The following KLF13 variants were observed in gnomAD, a reference collection of about 807,000 sequenced individuals.
KLF13 encodes KLF transcription factor 13.
A neutral mutation model predicts 16.7 loss-of-function variants in KLF13; 8 were observed. The ratio of observed to expected loss-of-function variants is 0.48; its 90% CI spans 0.28 to 0.87. The LOEUF (loss-of-function observed/expected upper bound fraction) is 0.87. Ranked by LOEUF, KLF13 falls within the 40% of genes least tolerant of loss-of-function variation. KLF13 has a pLI of 0.10. For synonymous variants in KLF13, 245 were observed against 208.4 expected, an observed-to-expected ratio of 1.18 and a Z score of -1.51; for missense variants, 447 against 452.2, an observed-to-expected ratio of 0.99 and a Z score of 0.10.
intron 2 of KLF13, chr15:31,403,400 C>T (rs557216254): frequency 3.3e-5 from 5 of 152,208 alleles, no homozygotes; most frequent in Non-Finnish European, 5.9e-5. Context: ...ATGTTCCCAT[C>T]TTTAATAATG....
Position 31,327,016 on chromosome 15 carries a change from CGGCCG to C in KLF13, c.-190_-186del. The C allele has an allele frequency of 3.6e-6, 1 of 274,500 alleles. No individual in the cohort carries two copies. Among genetic ancestry groups the C allele is most frequent in the Non-Finnish European group, 5.8e-6 (1 of 173,660 alleles). The allele number at this position is 274,500 out of a possible 1,614,324, so 17.0% of individuals were successfully genotyped here. Reference sequence around the variant, plus strand: ...CCCCATGCGCTCACTCTTCGGTGCCCGGCCGGGCCGGCGCCTCGCAGACGCGGAGC... The same window carrying C: ...CCCCATGCGCTCACTCTTCGGTGCCCGGCCGGCGCCTCGCAGACGCGGAGC... On this transcript the variant is annotated 5_prime_UTR_variant, in exon 1 of 2. An upstream open reading frame in the 5' UTR loses its in-frame stop. Transcript: ENST00000307145.
intron 1 of KLF13, among the ~76,000 whole-genome samples, chr15:31,424,441 C>T (rs1401195911): frequency 6.6e-6 from 1 of 151,868 alleles, no homozygotes; most frequent in Admixed American, 6.6e-5. Flanking sequence ...TGTAATATCA[C>T]ATTAAAAGAA....
chr15:31,375,787 G>A lies in KLF13; in HGVS notation c.*3488G>A, dbSNP rs1017711124. The stretch of plus-strand genomic sequence containing the variant: ...GTCCTGTCCTGCAGGATGCTGCATA[G>A]GAATGGGCAGAGATGTCCTGGATGG... On this transcript the variant is annotated 3_prime_UTR_variant, in exon 2 of 2. Transcript: ENST00000307145. 6.6e-6 allele frequency: 1 copy of A among 152,198 alleles called. No homozygotes were observed. Among genetic ancestry groups the A allele is most frequent in the Non-Finnish European group, 1.5e-5 (1 of 68,054 alleles). 9.4% of individuals were successfully genotyped at this position (152,198 alleles called of 1,614,324 possible).
intron 1 of KLF13, among the ~76,000 whole-genome samples, chr15:31,343,671 A>G (rs1180466413): frequency 1.3e-5 from 2 of 152,162 alleles, no homozygotes. Context: ...GACCTGGAAA[A>G]GTTTTCTACT....
At chr15:31,387,005 T>TTATG (rs1227883867) in intron 1 of KLF13, among the ~76,000 whole-genome samples, 2 of 152,224 alleles carry the variant, frequency 1.3e-5, no homozygotes, top group African/African-American at 4.8e-5. Flanking sequence ...GAGTTGCTTC[T>TTATG]TATGGATGAG....
chr15:31,345,054 CT>C (rs1449891842), intron 1 of KLF13, among the ~76,000 whole-genome samples: 3 of 152,318 alleles, frequency 2.0e-5, no homozygotes, highest in Admixed American at 6.5e-5. Context: ...CCTGGCCCTT[CT>C]GAGGGTGCCA....
intron 1 of KLF13, chr15:31,420,383 C>T: frequency 8.7e-7 from 1 of 1,144,988 alleles, no homozygotes; most frequent in Non-Finnish European, 1.3e-6. Flanking sequence ...GCTAGAGTTC[C>T]CCAGTGGCTA....
At chr15:31,363,497 G>A (rs2039419796) in intron 1 of KLF13, among the ~76,000 whole-genome samples, 1 of 152,174 alleles carries the variant, frequency 6.6e-6, no homozygotes. Context: ...TAGATTGATT[G>A]ATTGATTGAG....
upstream of KLF13, among the ~76,000 whole-genome samples, chr15:31,390,146 C>G (rs2039842280): frequency 6.6e-6 from 1 of 152,158 alleles, no homozygotes; most frequent in Non-Finnish European, 1.5e-5. Context: ...AAGACCTCCC[C>G]TGCCCTCTCC....
chr15:31,362,904 T>C (rs2039411364), intron 1 of KLF13, among the ~76,000 whole-genome samples: 3 of 152,236 alleles, frequency 2.0e-5, no homozygotes, highest in Admixed American at 6.5e-5. Flanking sequence ...GCGATAGTGT[T>C]CTGTTATATG....
chr15:31,327,599 G>A lies in KLF13; in HGVS notation c.387G>A (p.Ala129=). Residue 129 remains alanine (A), a synonymous_variant, in exon 1 of 2, where the codon GCG becomes GCA. Coordinates refer to ENST00000307145, the MANE Select transcript of KLF13 (RefSeq NM_015995.4). ...CGTGGAGCGAGCCGGAGCCCGAGGC[G>A]GGGCTGGAGCCCGAGCGGGAGCCGG... ...SPAWSEPEPE[A]GLEPEREPGP... 2 of 1,250,826 alleles carry A rather than the reference G, an allele frequency of 1.6e-6. No individual in the cohort carries two copies. The highest frequency in any genetic ancestry group is 2.4e-5 in the South Asian group (1 of 41,946). The allele number at this position is 1,250,826 out of a possible 1,614,324, so 77.5% of individuals were successfully genotyped here.
intron 1 of KLF13, among the ~76,000 whole-genome samples, chr15:31,434,315 G>A (rs1179261834): frequency 2.0e-5 from 3 of 152,316 alleles, no homozygotes; most frequent in Admixed American, 2.0e-4. Flanking sequence ...CAGCAGGAGA[G>A]AGACTTGCCA....
intron 1 of KLF13, among the ~76,000 whole-genome samples, chr15:31,429,678 A>G (rs80277832): frequency 0.13 from 19,898 of 151,698 alleles, 3,846 homozygotes; most frequent in African/African-American, 0.42. Flanking sequence ...TTATGATCTT[A>G]GCACAGAGAA....
At chr15:31,409,688 T>C (rs1332919027), downstream of KLF13, among the ~76,000 whole-genome samples, 1 of 152,120 alleles carries the variant, frequency 6.6e-6, no homozygotes. Context: ...GCAGTGCACT[T>C]CACCTCAGAA....
At chr15:31,362,412 A>G (rs1377734434) in intron 1 of KLF13, among the ~76,000 whole-genome samples, 1 of 152,224 alleles carries the variant, frequency 6.6e-6, no homozygotes, top group Non-Finnish European at 1.5e-5. Context: ...CCTGGAAGCC[A>G]CTGCCCAGCA....
chr15:31,432,234 C>G (rs1346354526), intron 1 of KLF13, among the ~76,000 whole-genome samples: 1 of 152,066 alleles, frequency 6.6e-6, no homozygotes, highest in Non-Finnish European at 1.5e-5. Flanking sequence ...AGCTCTTGCA[C>G]TGGAAAGGGG....
upstream of KLF13, among the ~76,000 whole-genome samples, chr15:31,391,073 G>A (rs902289582): frequency 2.3e-5 from 3 of 131,356 alleles, no homozygotes; most frequent in Non-Finnish European, 4.9e-5. Context: ...GGAGGGCTGT[G>A]GGGACTATGG....
intron 1 of KLF13, among the ~76,000 whole-genome samples, chr15:31,335,324 C>T (rs574390660): frequency 6.6e-6 from 1 of 152,136 alleles, no homozygotes; most frequent in East Asian, 1.9e-4. Flanking sequence ...ACCCTGCTGC[C>T]CTGCCCAGCA....
Position 31,412,174 on chromosome 15 carries a change from C to T in KLF13, n.117+18483C>T, listed in dbSNP as rs190375760. 7.2e-5 allele frequency among the ~76,000 whole-genome samples: 11 copies of T among 152,340 alleles called. No homozygotes were observed. The East Asian group carries it at 1.9e-3, about 27-fold the overall frequency. ...CTCAAGGGAGCTTGTTTGCTTCTTT[C>T]ACCATGTGAGAACACAGCTAGAAGC... On this transcript the variant is annotated intron_variant and non_coding_transcript_variant, in intron 1 of 1. Coordinates refer to the KLF13 transcript ENST00000558225.
Sources: allele counts gnomAD v4.1 joint callset (sites outside exome capture counted in the v4.1 genomes callset), GRCh38; gene constraint gnomAD v4.1.1; transcripts MANE v1.5; gene names NCBI Gene and HGNC (gene_info 2026-07-23, HGNC 2026-07-21).